Variants in MAGI2 observed in about 807,000 individuals in gnomAD.
MAGI2 encodes the protein membrane-associated guanylate kinase, WW and PDZ domain-containing protein 2.
A neutral mutation model predicts 133.3 loss-of-function variants in MAGI2; 35 were observed. The observed-to-expected ratio is 0.26, with a 90% confidence interval of 0.20 to 0.35. The LOEUF is 0.35. Among genes scored for constraint, MAGI2 ranks in the 10% least tolerant of loss-of-function variants. MAGI2 has a pLI of 1.00. For synonymous variants in MAGI2, 729 were observed against 710.6 expected, an observed-to-expected ratio of 1.03 and a Z score of -0.41; for missense variants, 1,636 against 1,863.4, an observed-to-expected ratio of 0.88 and a Z score of 2.25.
chr7:78,573,563 C>A (rs1386921143), intron 3 of MAGI2, among the ~76,000 whole-genome samples: 2 of 147,834 alleles, frequency 1.4e-5, no homozygotes, highest in African/African-American at 5.0e-5. Context: ...CGGAGTAACA[C>A]AATTTCTTTG....
At chr7:78,555,228 A>C (rs1388306916) in intron 3 of MAGI2, among the ~76,000 whole-genome samples, 4 of 151,692 alleles carry the variant, frequency 2.6e-5, no homozygotes, top group African/African-American at 7.3e-5. Flanking sequence ...ATAGACAGAT[A>C]GATAGATAGA....
intron 6 of MAGI2, among the ~76,000 whole-genome samples, chr7:78,473,967 C>G (rs28575358): frequency 0.012 from 1,843 of 152,104 alleles, 34 homozygotes; most frequent in African/African-American, 0.04. Context: ...CCTCCCCTAA[C>G]TCAATGCTTT....
chr7:79,235,538 G>A (rs1831840018), intron 1 of MAGI2, among the ~76,000 whole-genome samples: 1 of 152,184 alleles, frequency 6.6e-6, no homozygotes, highest in African/African-American at 2.4e-5. Context: ...CAATATTTGG[G>A]TGGGAGTGAC....
intron 9 of MAGI2, among the ~76,000 whole-genome samples, chr7:78,325,187 C>A (rs1042082587): frequency 6.6e-6 from 1 of 152,102 alleles, no homozygotes; most frequent in Admixed American, 6.5e-5. Context: ...TCCCACTGTA[C>A]CCCTAAGAGT....
intron 2 of MAGI2, among the ~76,000 whole-genome samples, chr7:78,923,909 C>T (rs185250513): frequency 1.5e-3 from 229 of 152,236 alleles, no homozygotes; most frequent in Middle Eastern, 6.8e-3. Flanking sequence ...AGGTCTTTCA[C>T]GTCCCTTGTA....
intron 1 of MAGI2, among the ~76,000 whole-genome samples, chr7:79,214,817 A>C (rs1171818226): frequency 7.0e-6 from 1 of 143,878 alleles, no homozygotes; most frequent in Non-Finnish European, 1.5e-5. Context: ...TAAATACATT[A>C]TATTTATAAA....
chr7:79,040,498 T>C (rs1050246611), intron 1 of MAGI2, among the ~76,000 whole-genome samples: 3 of 151,814 alleles, frequency 2.0e-5, no homozygotes, highest in African/African-American at 7.2e-5. Context: ...AGTCAGTTAA[T>C]GGATACAAAA....
At chr7:79,300,685 C>G (rs573427056) in intron 1 of MAGI2, among the ~76,000 whole-genome samples, 1 of 152,282 alleles carries the variant, frequency 6.6e-6, no homozygotes, top group East Asian at 1.9e-4. Context: ...GGAGCAATTA[C>G]TTGCTAGAGA....
chr7:78,235,833 G>C (rs141909965), intron 10 of MAGI2, among the ~76,000 whole-genome samples: 1 of 152,050 alleles, frequency 6.6e-6, no homozygotes, highest in Non-Finnish European at 1.5e-5. Context: ...CAGAAACATT[G>C]AGAACCCTGG....
chr7:78,383,562 A>T (rs542482581), intron 6 of MAGI2, among the ~76,000 whole-genome samples: 2 of 151,526 alleles, frequency 1.3e-5, no homozygotes, highest in South Asian at 4.2e-4. Context: ...CTGTCTTTCC[A>T]CTCTGCTGCT....
intron 1 of MAGI2, among the ~76,000 whole-genome samples, chr7:79,061,810 A>G (rs1813771528): frequency 6.6e-6 from 1 of 152,096 alleles, no homozygotes; most frequent in Non-Finnish European, 1.5e-5. Flanking sequence ...CCATTCTGAC[A>G]AGTGAAGTCA....
chr7:78,173,124 A>G (rs772252491), intron 14 of MAGI2, among the ~76,000 whole-genome samples: 2 of 152,230 alleles, frequency 1.3e-5, no homozygotes, highest in Non-Finnish European at 2.9e-5. Context: ...TAAATACTTG[A>G]TGACTGCCCA....
At chr7:79,225,377 T>C (rs1227659649) in intron 1 of MAGI2, among the ~76,000 whole-genome samples, 1 of 152,234 alleles carries the variant, frequency 6.6e-6, no homozygotes, top group African/African-American at 2.4e-5. Flanking sequence ...GTGGAAATTA[T>C]AGAATGTACT....
intron 1 of MAGI2, among the ~76,000 whole-genome samples, chr7:79,446,394 T>C (rs1013095369): frequency 4.6e-5 from 7 of 152,092 alleles, no homozygotes; most frequent in African/African-American, 1.7e-4. Flanking sequence ...CTGTAACATA[T>C]CTGTGTTTGG....
chr7:79,308,746 A>T (rs1838022055), intron 1 of MAGI2, among the ~76,000 whole-genome samples: 1 of 152,222 alleles, frequency 6.6e-6, no homozygotes, highest in Non-Finnish European at 1.5e-5. Context: ...TCTATTGGGC[A>T]TTTACTAAGT....
At chr7:79,420,253 T>C (rs1846854188) in intron 1 of MAGI2, among the ~76,000 whole-genome samples, 1 of 152,026 alleles carries the variant, frequency 6.6e-6, no homozygotes, top group Non-Finnish European at 1.5e-5. Flanking sequence ...CATGCAACTG[T>C]CTCTACCTTT....
chr7:78,760,900 C>G (rs1246844143), intron 2 of MAGI2, among the ~76,000 whole-genome samples: 1 of 152,182 alleles, frequency 6.6e-6, no homozygotes, highest in Admixed American at 6.5e-5. Flanking sequence ...CCTCTCTACT[C>G]TCACCAAGGA....
intron 1 of MAGI2, among the ~76,000 whole-genome samples, chr7:79,210,572 A>G (rs955664814): frequency 3.3e-5 from 5 of 152,084 alleles, no homozygotes; most frequent in African/African-American, 1.2e-4. Context: ...CAACTGTTGA[A>G]TGAGTACCAG....
intron 16 of MAGI2, among the ~76,000 whole-genome samples, chr7:78,159,217 T>A (rs901735885): frequency 5.3e-5 from 8 of 152,222 alleles, no homozygotes; most frequent in African/African-American, 1.9e-4. Flanking sequence ...ATAAATTGGC[T>A]CTGCTAGGCA....
Sources: gnomAD v4.1 joint callset for allele counts (sites outside exome capture counted in the v4.1 genomes callset) on GRCh38, gnomAD v4.1.1 for gene constraint, MANE v1.5 for transcripts, NCBI Gene and HGNC (gene_info 2026-07-23, HGNC 2026-07-21) for gene names.